The following PDCD4 variants were observed in gnomAD, a reference collection of about 807,000 sequenced individuals.
The protein encoded by PDCD4 is programmed cell death 4, also known as programmed cell death protein 4.
In PDCD4, 56 loss-of-function variants were observed where a neutral mutation model predicts 54.0. That is an observed-to-expected ratio of 1.04 (90% CI 0.84 to 1.30). The LOEUF (loss-of-function observed/expected upper bound fraction) is 1.30, where lower values mean the gene tolerates loss of function less well. Ranked by LOEUF, PDCD4 falls within the 50% of genes most tolerant of loss-of-function variation. The pLI, the probability that PDCD4 is intolerant of heterozygous loss-of-function variation, is 0.00. For missense variants in PDCD4, 584 were observed against 559.8 expected (o/e 1.04, Z -0.44); for synonymous variants, 186 against 194.8 (o/e 0.95, Z 0.37).
At chr10:110,875,528 CTG>C (rs553227708) in intron 1 of PDCD4, among the ~76,000 whole-genome samples, 228 of 152,124 alleles carry the variant, frequency 1.5e-3, no homozygotes, top group African/African-American at 5.3e-3. Flanking sequence ...TTAACTAAAA[CTG>C]TGTTGTTTTT....
intron 7 of PDCD4, 108 bp from the exon 8 acceptor site, chr10:110,890,448 G>A (rs1203376743): frequency 2.3e-5 from 11 of 486,444 alleles, no homozygotes; most frequent in Non-Finnish European, 4.0e-5. Context: ...TTGCTTTTAT[G>A]TTATGTGAAA....
chr10:110,883,596 T>TA (rs1845624901), intron 4 of PDCD4, among the ~76,000 whole-genome samples: 1 of 152,176 alleles, frequency 6.6e-6, no homozygotes, highest in African/African-American at 2.4e-5. Context: ...ACTCCTCTCT[T>TA]AGCTTTACAA....
chr10:110,880,764 CATAA>C (rs894502460), intron 2 of PDCD4, among the ~76,000 whole-genome samples: 13 of 152,250 alleles, frequency 8.5e-5, no homozygotes, highest in African/African-American at 2.6e-4. Flanking sequence ...CAAACTTGTG[CATAA>C]ATAAATGATA....
At chr10:110,886,175 T>C (rs1453970294) in intron 5 of PDCD4, among the ~76,000 whole-genome samples, 1 of 152,186 alleles carries the variant, frequency 6.6e-6, no homozygotes, top group Non-Finnish European at 1.5e-5. Context: ...AAACAGATTA[T>C]TAAAATACGT....
chr10:110,893,380 A>G (rs1024649862), intron 8 of PDCD4, among the ~76,000 whole-genome samples: 2 of 150,566 alleles, frequency 1.3e-5, no homozygotes, highest in South Asian at 4.2e-4. Context: ...CCAACATTCA[A>G]CATTCAGGCA....
intron 1 of PDCD4, among the ~76,000 whole-genome samples, chr10:110,873,688 AT>A (rs1436600281): frequency 3.9e-5 from 6 of 152,222 alleles, no homozygotes; most frequent in Non-Finnish European, 8.8e-5. Flanking sequence ...GGGTTGTTAA[AT>A]AAATTGGAAA....
At chr10:110,881,681 T>C (rs2135198486) in intron 3 of PDCD4, 146 bp downstream of exon 3, 2 of 618,022 alleles carry the variant, frequency 3.2e-6, no homozygotes, top group East Asian at 5.8e-5. Flanking sequence ...ATATTTTTAC[T>C]TAGTAATAAT....
chr10:110,894,338 G>C, intron 9 of PDCD4, 74 bp from the exon 10 acceptor site: 1 of 888,070 alleles, frequency 1.1e-6, no homozygotes, highest in Non-Finnish European at 1.9e-6. Context: ...GATTACAGAA[G>C]GCATCTAGGT....
In PDCD4 at chr10:110,889,533, T is replaced by G. The variant is rs1564683988; in HGVS notation, c.778T>G (p.Leu260Val). Reference protein sequence around the residue: ...LALDTPRAPQLVGQFIARAVG... With the variant: ...LALDTPRAPQVVGQFIARAVG... ...GCTCTTTTTTTTTTCCTTTTTACAG[T>G]TGGTGGGCCAGTTTATTGCTAGAGC... is the stretch of plus-strand genomic sequence containing the variant. Residue 260 changes from leucine (L) to valine (V), a missense_variant and splice_region_variant, in exon 7 of 12, where the codon TTG (leucine) becomes GTG (valine). Coordinates refer to ENST00000280154, the MANE Select transcript of PDCD4 (RefSeq NM_014456.5). 6.4e-7 allele frequency: 1 copy of G among 1,561,600 alleles called. No homozygotes were observed. Among genetic ancestry groups the G allele is most frequent in the Non-Finnish European group, 8.7e-7 (1 of 1,143,042 alleles).
At chr10:110,889,703 C>A (rs1008919389) in intron 7 of PDCD4, 73 bp downstream of exon 7, 6 of 832,810 alleles carry the variant, frequency 7.2e-6, no homozygotes, top group Non-Finnish European at 4.1e-6. Flanking sequence ...TGAAATGACA[C>A]TTGTGTTAAT....
chr10:110,877,268 G>A (rs1475299386), intron 2 of PDCD4, among the ~76,000 whole-genome samples: 1 of 152,068 alleles, frequency 6.6e-6, no homozygotes. Flanking sequence ...GTCCAGTATG[G>A]TGACCACTAG....
chr10:110,884,872 C>G (rs918172828), intron 4 of PDCD4: 2 of 155,026 alleles, frequency 1.3e-5, no homozygotes, highest in African/African-American at 4.8e-5. Context: ...TAGCTCACTG[C>G]AGCCTCGAAC....
chr10:110,893,958 C>A, intron 8 of PDCD4, 133 bp from the exon 9 acceptor site: 1 of 557,510 alleles, frequency 1.8e-6, no homozygotes, highest in South Asian at 2.6e-5. Context: ...AGTACCACAT[C>A]CAATGTATAT....
chr10:110,895,310 T>A (rs999244565), intron 10 of PDCD4, among the ~76,000 whole-genome samples: 1 of 152,144 alleles, frequency 6.6e-6, no homozygotes, highest in Non-Finnish European at 1.5e-5. Flanking sequence ...TAGCTCTCAC[T>A]TACAAGTGAG....
intron 2 of PDCD4, among the ~76,000 whole-genome samples, chr10:110,877,116 T>C (rs754667907): frequency 9.2e-5 from 14 of 152,230 alleles, no homozygotes; most frequent in Non-Finnish European, 1.9e-4. Context: ...TTAATGATCA[T>C]TTCTGTGCTG....
chr10:110,880,567 G>C (rs749539877), intron 2 of PDCD4: 1 of 152,184 alleles, frequency 6.6e-6, no homozygotes, highest in Non-Finnish European at 1.5e-5. Flanking sequence ...TTTGTCTTGA[G>C]GCAGTAAAGC....
At chr10:110,875,335 A>G (rs556615201) in intron 1 of PDCD4, among the ~76,000 whole-genome samples, 1 of 152,248 alleles carries the variant, frequency 6.6e-6, no homozygotes, top group African/African-American at 2.4e-5. Flanking sequence ...GATTTCTCAT[A>G]TAAATAATAT....
intron 2 of PDCD4, among the ~76,000 whole-genome samples, chr10:110,877,841 T>C (rs1222592117): frequency 6.6e-6 from 1 of 152,360 alleles, no homozygotes; most frequent in East Asian, 1.9e-4. Flanking sequence ...ATGTATAAAA[T>C]TGGGATATAA....
intron 1 of PDCD4, among the ~76,000 whole-genome samples, chr10:110,875,440 A>G (rs951376227): frequency 2.0e-5 from 3 of 152,196 alleles, no homozygotes; most frequent in Non-Finnish European, 2.9e-5. Context: ...ATAGAGACCT[A>G]GGTAATGAGT....
Sources: gnomAD v4.1 joint callset for allele counts (sites outside exome capture counted in the v4.1 genomes callset) on GRCh38, gnomAD v4.1.1 for gene constraint, MANE v1.5 for transcripts, NCBI Gene and HGNC (gene_info 2026-07-23, HGNC 2026-07-21) for gene names.